The following DERL1 variants were observed in gnomAD, a reference collection of about 807,000 sequenced individuals.
DERL1 encodes derlin-1.
Under a neutral mutation model 41.6 loss-of-function variants are expected in DERL1, and 24 were observed. The ratio of observed to expected loss-of-function variants is 0.58; its 90% CI spans 0.42 to 0.81. DERL1 has a LOEUF of 0.81. Ranked by LOEUF, DERL1 falls within the 30% of genes least tolerant of loss-of-function variation. The pLI, the probability that DERL1 is intolerant of heterozygous loss-of-function variation, is 0.00. For synonymous variants in DERL1, 124 were observed against 112.5 expected (o/e 1.10, Z -0.65); for missense variants, 260 against 314.3 (o/e 0.83, Z 1.31).
At chr8:123,036,626 C>G (rs1812935178) in intron 1 of DERL1, among the ~76,000 whole-genome samples, 1 of 152,094 alleles carries the variant, frequency 6.6e-6, no homozygotes. Flanking sequence ...TTTAAAAAGC[C>G]ACAATCTAAT....
rs1037860055 is a variant in DERL1 at position 123,013,882 on chromosome 8, A to G, written c.*1565T>C. 1 of 152,216 alleles carries G rather than the reference A, an allele frequency of 6.6e-6. No individual in the cohort carries two copies. Among genetic ancestry groups the G allele is most frequent in the African/African-American group, 2.4e-5 (1 of 41,454 alleles). The allele number at this position is 152,216 out of a possible 1,614,324, so 9.4% of individuals were successfully genotyped here. A position where few individuals can be genotyped will look rare whatever the true frequency, so the allele number is the denominator to read the frequency against. On this transcript the variant is annotated 3_prime_UTR_variant, in exon 8 of 8. Coordinates refer to ENST00000259512, the MANE Select transcript of DERL1 (RefSeq NM_024295.6). The stretch of plus-strand genomic sequence containing the variant: ...TCTCCCCACCTATTTTATCATATAA[A>G]TTAAATATGGAGAGGTACACACAAA...
intron 1 of DERL1, among the ~76,000 whole-genome samples, chr8:123,031,438 G>T (rs1034248981): frequency 6.6e-6 from 1 of 152,022 alleles, no homozygotes; most frequent in East Asian, 1.9e-4. Context: ...TCAGCTACTC[G>T]GGAGGCTGAG....
At chr8:123,022,230 T>C (rs1812571695) in intron 5 of DERL1, among the ~76,000 whole-genome samples, 1 of 152,136 alleles carries the variant, frequency 6.6e-6, no homozygotes, top group Non-Finnish European at 1.5e-5. Context: ...AAATTAAGAA[T>C]GGGTAGGATT....
At chr8:123,017,886 C>A (rs1332454874) in intron 7 of DERL1, 2 of 152,092 alleles carry the variant, frequency 1.3e-5, no homozygotes. Context: ...TAATTAGAAA[C>A]CAGATTGGTC....
At chr8:123,034,468 GA>G (rs1812881793) in intron 1 of DERL1, among the ~76,000 whole-genome samples, 1 of 152,098 alleles carries the variant, frequency 6.6e-6, no homozygotes, top group Non-Finnish European at 1.5e-5. Context: ...TTTTTTTAAA[GA>G]AATCAATAAA....
At chr8:123,035,646 C>T (rs531581717) in intron 1 of DERL1, among the ~76,000 whole-genome samples, 2 of 152,260 alleles carry the variant, frequency 1.3e-5, no homozygotes, top group East Asian at 3.9e-4. Context: ...CCAGTTTTTT[C>T]AGGAGGAAAG....
At chr8:123,026,740 G>A (rs958511128) in intron 2 of DERL1, among the ~76,000 whole-genome samples, 5 of 137,270 alleles carry the variant, frequency 3.6e-5, no homozygotes, top group African/African-American at 1.1e-4. Flanking sequence ...CTCTCTACAC[G>A]TTCATAGCAG....
chr8:123,041,266 T>A (rs1339857186), intron 1 of DERL1, among the ~76,000 whole-genome samples: 1 of 152,158 alleles, frequency 6.6e-6, no homozygotes, highest in African/African-American at 2.4e-5. Flanking sequence ...CTGATTGAAG[T>A]TTTAAATCAG....
At chr8:123,035,309 T>C (rs1266084967) in intron 1 of DERL1, among the ~76,000 whole-genome samples, 1 of 152,256 alleles carries the variant, frequency 6.6e-6, no homozygotes, top group African/African-American at 2.4e-5. Context: ...AAAATTATAA[T>C]CTGAAAACAC....
intron 2 of DERL1, 133 bp from the exon 3 acceptor site, chr8:123,025,183 A>C (rs888563399): frequency 1.1e-5 from 10 of 912,962 alleles, no homozygotes; most frequent in Non-Finnish European, 1.6e-5. Flanking sequence ...CTCTCTAAAA[A>C]AGTGAATTTT....
In DERL1 at chr8:123,030,608, T is replaced by C. The variant is rs370493545; in HGVS notation, c.262A>G (p.Thr88Ala). 1.3e-4 allele frequency: 201 copies of C among 1,586,380 alleles called. 1 individual carries two copies. The highest frequency in any genetic ancestry group is 1.7e-4 in the Non-Finnish European group (192 of 1,161,548). ...FLYQYSTRLETGAFDGRPADY... is the reference protein window; with the variant it reads ...FLYQYSTRLEAGAFDGRPADY... ...AAAACAACTATGGGTAACATACCTG[T>C]TTCAAGTCGCGTAGAATACTGATAT... is the stretch of plus-strand genomic sequence containing the variant. Residue 88 changes from threonine to alanine, a missense_variant, in exon 2 of 8, where the codon ACA becomes GCA. Transcript: ENST00000259512.
At chr8:123,031,677 T>A (rs1262240490) in intron 1 of DERL1, among the ~76,000 whole-genome samples, 1 of 152,170 alleles carries the variant, frequency 6.6e-6, no homozygotes, top group African/African-American at 2.4e-5. Flanking sequence ...GAAATACATG[T>A]TACTATTACT....
At chr8:123,022,571 G>A in intron 5 of DERL1, 113 bp downstream of exon 5, 1 of 988,904 alleles carries the variant, frequency 1.0e-6, no homozygotes, top group Non-Finnish European at 1.6e-6. Context: ...CTTGCCTATG[G>A]TACACTGCTC....
chr8:123,014,963 T>C lies in DERL1; in HGVS notation c.*484A>G, dbSNP rs1300846717. 1 of 152,452 alleles carries C rather than the reference T, an allele frequency of 6.6e-6. No individual in the cohort carries two copies. Among genetic ancestry groups the C allele is most frequent in the African/African-American group, 2.4e-5 (1 of 41,462 alleles). 9.4% of individuals were successfully genotyped at this position (152,452 alleles called of 1,614,324 possible). A position where few individuals can be genotyped will look rare whatever the true frequency, so the allele number is the denominator to read the frequency against. ...TGAATATGATTGTTGTGACCAAGCC[T>C]TGGCAAAAGTCAATAAATAACAGAA... On this transcript the variant is annotated 3_prime_UTR_variant, in exon 8 of 8. Coordinates refer to ENST00000259512, the MANE Select transcript of DERL1 (RefSeq NM_024295.6).
At position 123,024,978 on chromosome 8, in the gene DERL1, A is replaced by T. The variant is rs1812650679; in HGVS notation, c.330+8T>A. 2 of 1,613,218 alleles carry T rather than the reference A, an allele frequency of 1.2e-6. No homozygotes were observed. Among genetic ancestry groups the T allele is most frequent in the Non-Finnish European group, 1.7e-6 (2 of 1,179,700 alleles). On this transcript the variant is annotated splice_region_variant and intron_variant, in intron 3 of 7. Coordinates refer to ENST00000259512, the MANE Select transcript of DERL1 (RefSeq NM_024295.6). ...ATTTCTGGCCCAAAATCACAGACTG[A>T]AGGATACCACGATGCAAATCCAGTT...
rs1813097034 is a variant in DERL1 at position 123,042,185 on chromosome 8, G to T, written c.-63C>A. 1.3e-6 allele frequency: 2 copies of T among 1,505,066 alleles called. No homozygotes were observed. Among genetic ancestry groups the T allele is most frequent in the Non-Finnish European group, 1.8e-6 (2 of 1,121,980 alleles). 93.2% of individuals were successfully genotyped at this position (1,505,066 alleles called of 1,614,324 possible). On this transcript the variant is annotated 5_prime_UTR_variant, in exon 1 of 8. Transcript: ENST00000259512. ...CGACTCCCCGTGCCGACCCCCTCAC[G>T]ACGCGGCCGGCTCCGCGACTGTTAG... is the stretch of plus-strand genomic sequence containing the variant.
intron 2 of DERL1, chr8:123,030,272 G>A (rs1230076528): frequency 1.0e-5 from 2 of 199,066 alleles, no homozygotes; most frequent in Non-Finnish European, 2.0e-5. Flanking sequence ...GAAGGACAAG[G>A]ACTGCTGCAA....
chr8:123,041,831 C>T, intron 1 of DERL1, 139 bp downstream of exon 1: 1 of 1,237,784 alleles, frequency 8.1e-7, no homozygotes, highest in Non-Finnish European at 1.1e-6. Context: ...GCCCAAAGGA[C>T]CCCGCCCTAA....
At chr8:123,035,414 CTGA>C (rs931745611) in intron 1 of DERL1, among the ~76,000 whole-genome samples, 4 of 152,086 alleles carry the variant, frequency 2.6e-5, no homozygotes, top group Non-Finnish European at 5.9e-5. Flanking sequence ...TTTCCTCGAC[CTGA>C]TATGTAAACA....
Sources: allele counts gnomAD v4.1 joint callset (sites outside exome capture counted in the v4.1 genomes callset), GRCh38; gene constraint gnomAD v4.1.1; transcripts MANE v1.5; gene names NCBI Gene and HGNC (gene_info 2026-07-23, HGNC 2026-07-21).